Variants in SRRT observed in about 807,000 individuals in gnomAD.
SRRT encodes serrate, RNA effector molecule, also known as serrate RNA effector molecule homolog.
Under a neutral mutation model 103.2 loss-of-function variants are expected in SRRT, and 32 were observed. The ratio of observed to expected loss-of-function variants is 0.31; its 90% CI spans 0.23 to 0.42. The LOEUF (loss-of-function observed/expected upper bound fraction) is 0.42. Ranked by LOEUF, SRRT falls within the 10% of genes least tolerant of loss-of-function variation. The probability of loss-of-function intolerance (pLI) is 1.00; values close to 1 mark genes in which losing one functional copy is unlikely to be tolerated. For synonymous variants in SRRT, 525 were observed against 449.0 expected (o/e 1.17, Z -2.14); for missense variants, 986 against 1,207.5 (o/e 0.82, Z 2.72).
chr7:100,875,463 G>A, intron 1 of SRRT, 110 bp from the exon 2 acceptor site: 1 of 1,547,036 alleles, frequency 6.5e-7, no homozygotes, highest in Non-Finnish European at 8.7e-7. Context: ...GGTGGGGGCC[G>A]CGGAGGGCTG....
chr7:100,888,557 C>T lies in SRRT; in HGVS notation c.*8C>T, dbSNP rs1790418936. ...GATGTTGATTTCTTTTGAGCCGTCC[C>T]CCGTTCCTCAGTCCTGTATCATCCA... On this transcript the variant is annotated 3_prime_UTR_variant, in exon 20 of 20. Transcript: ENST00000611405. The T allele has an allele frequency of 6.2e-7, 1 of 1,614,048 alleles. No individual in the cohort carries two copies. Among genetic ancestry groups the T allele is most frequent in the Admixed American group, 1.7e-5 (1 of 59,992 alleles).
At position 100,875,303 on chromosome 7, in the gene SRRT, A is replaced by G. The variant is rs1815558381; in HGVS notation, c.-44A>G. 9.6e-7 allele frequency: 1 copy of G among 1,045,664 alleles called. No individual in the cohort carries two copies. 64.8% of individuals were successfully genotyped at this position (1,045,664 alleles called of 1,614,324 possible). On this transcript the variant is annotated 5_prime_UTR_variant, in exon 1 of 20. Transcript: ENST00000611405. Reference sequence around the variant, plus strand: ...CTGAAATCTAGCCCGTCCGAGCGCGAGTCCAACGGCCGCGGCCGCACCAAG... The same window carrying G: ...CTGAAATCTAGCCCGTCCGAGCGCGGGTCCAACGGCCGCGGCCGCACCAAG...
intron 2 of SRRT, chr7:100,880,902 T>C (rs937194032): frequency 1.2e-5 from 3 of 254,590 alleles, no homozygotes; most frequent in African/African-American, 2.3e-5. Context: ...AGAATCTTTG[T>C]TTTGTTTTGT....
chr7:100,885,656 A>G lies in SRRT; in HGVS notation c.1318-45A>G, dbSNP rs375850348. On this transcript the variant is annotated intron_variant, in intron 10 of 19. Transcript: ENST00000611405. The surrounding 1 kb of genome is among the most constrained non-coding windows in gnomAD (Gnocchi z 4.8). ...AGTGGGGGATTGGAGGAAGAAGCGAATGAATCCTTGAGTCACTGTGGGGCT... is the reference window on the plus strand; with the variant it reads ...AGTGGGGGATTGGAGGAAGAAGCGAGTGAATCCTTGAGTCACTGTGGGGCT... The G allele has an allele frequency of 7.6e-6, 12 of 1,568,930 alleles. No homozygotes were observed. The highest frequency in any genetic ancestry group is 1.0e-5 in the Non-Finnish European group (12 of 1,153,710).
chr7:100,887,120 A>G lies in SRRT; in HGVS notation c.1895A>G (p.Asn632Ser), dbSNP rs906444936. Reference sequence around the variant, plus strand: ...TATTACAACACCTGTGAGTACCCCAACGAGGACGAGATGCCCAATCGCTGT... The same window carrying G: ...TATTACAACACCTGTGAGTACCCCAGCGAGGACGAGATGCCCAATCGCTGT... ...LDYYNTCEYPNEDEMPNRCGI... is the reference protein window; with the variant it reads ...LDYYNTCEYPSEDEMPNRCGI... Residue 632 changes from asparagine to serine, a missense_variant, in exon 15 of 20, where the codon AAC becomes AGC. By Grantham distance (46) the Asn-to-Ser change is conservative. This residue lies in a region of SRRT where 349 missense variants were observed against 446.9 expected (regional missense o/e 0.78). Transcript: ENST00000611405. This position sits in a 1 kb window ranked among gnomAD's most constrained non-coding sequence, Gnocchi z 4.1. 5.6e-6 allele frequency: 9 copies of G among 1,614,158 alleles called. No individual in the cohort carries two copies. The highest frequency in any genetic ancestry group is 1.7e-5 in the Admixed American group (1 of 60,016).
rs1790024039 is a variant in SRRT at position 100,885,698 on chromosome 7, C to T, written c.1318-3C>T. 1.9e-6 allele frequency: 3 copies of T among 1,608,834 alleles called. No homozygotes were observed. In the East Asian group the frequency reaches 6.7e-5, roughly 36 times the overall value. On this transcript the variant is annotated splice_region_variant and splice_polypyrimidine_tract_variant and intron_variant, in intron 10 of 19. Transcript: ENST00000611405. The surrounding 1 kb of genome is among the most constrained non-coding windows in gnomAD (Gnocchi z 4.8). Reference sequence around the variant, plus strand: ...TGTGGGGCTGCTTTTCTGCTTCTTGCAGCTTTGTAAAAGGTACCCAGGCTT... The same window carrying T: ...TGTGGGGCTGCTTTTCTGCTTCTTGTAGCTTTGTAAAAGGTACCCAGGCTT...
At position 100,887,981 on chromosome 7, in the gene SRRT, G is replaced by A. The variant is rs1469245310; in HGVS notation, c.2327-61G>A. 2 of 1,528,154 alleles carry A rather than the reference G, an allele frequency of 1.3e-6. No homozygotes were observed. The highest frequency in any genetic ancestry group is 1.4e-5 in the African/African-American group (1 of 71,818). 94.7% of individuals were successfully genotyped at this position (1,528,154 alleles called of 1,614,324 possible). On this transcript the variant is annotated intron_variant, in intron 17 of 19. Coordinates refer to ENST00000611405, the MANE Select transcript of SRRT (RefSeq NM_015908.6). The surrounding 1 kb of genome is among the most constrained non-coding windows in gnomAD (Gnocchi z 4.1). ...CCATCCTCAGGCCATAGCCCTAGAA[G>A]TCAATTGTACCCGTATCCCCCTCCC...
intron 2 of SRRT, among the ~76,000 whole-genome samples, chr7:100,877,419 C>CAAAA (rs869150232): frequency 5.8e-5 from 4 of 69,086 alleles, no homozygotes; most frequent in Non-Finnish European, 7.8e-5. Context: ...GACTCTGTCT[C>CAAAA]AAAAAAAAAA....
Position 100,888,143 on chromosome 7 carries a change from G to A in SRRT, c.2428G>A (p.Ala810Thr), listed in dbSNP as rs1266550406. 2 of 1,609,810 alleles carry A rather than the reference G, an allele frequency of 1.2e-6. No individual in the cohort carries two copies. The highest frequency in any genetic ancestry group is 2.2e-5 in the East Asian group (1 of 44,888). Residue 810 changes from alanine (A) to threonine (T), a missense_variant and splice_region_variant, in exon 18 of 20, where the codon GCT becomes ACT. Around this residue, in one of 6 missense-constraint regions of SRRT, gnomAD observed 178 missense variants for 189.6 expected, o/e 0.94. Transcript: ENST00000611405. ...QPRPPILGYG[A>T]GAVRPAVPTG... Reference sequence around the variant, plus strand: ...CCGGCCCCCGATCTTGGGCTATGGAGGTAAGTACAGGAGGGAGATGAAGGG... The same window carrying A: ...CCGGCCCCCGATCTTGGGCTATGGAAGTAAGTACAGGAGGGAGATGAAGGG...
intron 2 of SRRT, 143 bp from the exon 3 acceptor site, chr7:100,881,142 C>CGG (rs57137266): frequency 3.6e-4 from 206 of 578,904 alleles, no homozygotes; most frequent in African/African-American, 2.3e-3. Context: ...TGGCGGGGGG[C>CGG]GGGGGGGGGT....
rs1162250370 is a variant in SRRT at position 100,875,389 on chromosome 7, G to C, written c.-19+61G>C. 3.7e-6 allele frequency: 5 copies of C among 1,359,564 alleles called. No homozygotes were observed. In the Admixed American group the frequency reaches 1.2e-4, roughly 32 times the overall value. 84.2% of individuals were successfully genotyped at this position (1,359,564 alleles called of 1,614,324 possible). A position where few individuals can be genotyped will look rare whatever the true frequency, so the allele number is the denominator to read the frequency against. ...GGCGGGAGAGGAACCGGGGTCCACG[G>C]GGGCGGGCGCGGAGAAACTCGGGGC... is the stretch of plus-strand genomic sequence containing the variant. On this transcript the variant is annotated intron_variant, in intron 1 of 19. Coordinates refer to ENST00000611405, the MANE Select transcript of SRRT (RefSeq NM_015908.6).
chr7:100,886,615 T>C, intron 13 of SRRT, 180 bp downstream of exon 13: 1 of 953,416 alleles, frequency 1.0e-6, no homozygotes, highest in Admixed American at 2.4e-5. Flanking sequence ...GGGATGCTAG[T>C]GATCATTTGT....
chr7:100,885,457 G>GT lies in SRRT; in HGVS notation c.1317+87_1317+88insT. 1 of 1,385,742 alleles carries GT rather than the reference G, an allele frequency of 7.2e-7. No individual in the cohort carries two copies. The allele number at this position is 1,385,742 out of a possible 1,614,324, so 85.8% of individuals were successfully genotyped here. Reference sequence around the variant, plus strand: ...CAGTGGGGCCCTGCCTGTGACAGATGCCCCCGTTTCACCTGCTAGGGAGGC... The same window carrying GT: ...CAGTGGGGCCCTGCCTGTGACAGATGTCCCCCGTTTCACCTGCTAGGGAGGC... On this transcript the variant is annotated intron_variant, in intron 10 of 19. Coordinates refer to ENST00000611405, the MANE Select transcript of SRRT (RefSeq NM_015908.6). The surrounding 1 kb of genome is among the most constrained non-coding windows in gnomAD (Gnocchi z 4.8).
In SRRT at chr7:100,887,604, C is replaced by G. The variant is rs1405416404; in HGVS notation, c.2169+91C>G. ...TGGGCAGGGGTGGGGGAACTGCTTA[C>G]TGCACTGGCAGGCGGGAGCTGGGAA... On this transcript the variant is annotated intron_variant, in intron 16 of 19. Coordinates refer to ENST00000611405, the MANE Select transcript of SRRT (RefSeq NM_015908.6). This position sits in a 1 kb window ranked among gnomAD's most constrained non-coding sequence, Gnocchi z 4.1. 6.3e-7 allele frequency: 1 copy of G among 1,579,472 alleles called. No individual in the cohort carries two copies. Among genetic ancestry groups the G allele is most frequent in the African/African-American group, 1.3e-5 (1 of 74,260 alleles).
intron 7 of SRRT, 90 bp from the exon 8 acceptor site, chr7:100,884,650 G>T (rs1400555412): frequency 1.9e-5 from 25 of 1,325,870 alleles, no homozygotes; most frequent in Non-Finnish European, 2.5e-5. Flanking sequence ...TGGGGAAAAT[G>T]AACCTGTGGC....
At chr7:100,879,358 C>G (rs1360995869) in intron 2 of SRRT, among the ~76,000 whole-genome samples, 4 of 152,142 alleles carry the variant, frequency 2.6e-5, no homozygotes, top group Non-Finnish European at 5.9e-5. Flanking sequence ...TTCGGCCTCC[C>G]AAAGTGCTAG....
rs1174271629 is a variant in SRRT at position 100,885,216 on chromosome 7, A to C, written c.1163A>C (p.Glu388Ala). 9.9e-6 allele frequency: 16 copies of C among 1,613,488 alleles called. No individual in the cohort carries two copies. The highest frequency in any genetic ancestry group is 1.3e-5 in the Non-Finnish European group (15 of 1,179,670). ...QAEEEKEEAE[E>A]ALKEKEKPKE... ...TCCTACCCCCCTTCCTGCCTAGAAG[A>C]AGCGCTCAAGGAGAAGGAGAAGCCC... The change falls in exon 10 of 20, where the codon GAA becomes GCA. Residue 388 changes from glutamate (E) to alanine (A), a missense_variant. Around this residue, in one of 6 missense-constraint regions of SRRT, gnomAD observed 166 missense variants for 148.6 expected, o/e 1.12. Coordinates refer to ENST00000611405, the MANE Select transcript of SRRT (RefSeq NM_015908.6). The surrounding 1 kb of genome is among the most constrained non-coding windows in gnomAD (Gnocchi z 4.8).
At chr7:100,877,514 C>T (rs999322420) in intron 2 of SRRT, among the ~76,000 whole-genome samples, 1 of 149,914 alleles carries the variant, frequency 6.7e-6, no homozygotes, top group Non-Finnish European at 1.5e-5. Context: ...CTTGACTGTA[C>T]GTCTTTTTTA....
chr7:100,881,831 G>T, intron 4 of SRRT, 26 bp downstream of exon 4: 1 of 1,575,078 alleles, frequency 6.3e-7, no homozygotes, highest in Non-Finnish European at 8.6e-7. Context: ...CTCAGAAGAG[G>T]GTTGGTAGGC....
Sources: allele counts gnomAD v4.1 joint callset (sites outside exome capture counted in the v4.1 genomes callset), GRCh38; gene constraint gnomAD v4.1.1; regional missense constraint gnomAD v4.1.1; non-coding constraint Gnocchi (gnomAD v3.1); transcripts MANE v1.5; gene names NCBI Gene and HGNC (gene_info 2026-07-23, HGNC 2026-07-21).